The following CNTLN variants were observed in gnomAD, a reference collection of about 807,000 sequenced individuals.
CNTLN encodes centlein, also known as centlein, centrosomal protein.
A neutral mutation model predicts 180.0 loss-of-function variants in CNTLN; 212 were observed. The ratio of observed to expected loss-of-function variants is 1.18; its 90% CI spans 1.05 to 1.32. The LOEUF (loss-of-function observed/expected upper bound fraction) is 1.32. Ranked by LOEUF, CNTLN falls within the 40% of genes most tolerant of loss-of-function variation. The pLI, the probability that CNTLN is intolerant of heterozygous loss-of-function variation, is 0.00. For missense variants in CNTLN, 2,095 were observed against 1,610.9 expected, an observed-to-expected ratio of 1.30 and a Z score of -5.14; for synonymous variants, 722 against 563.1, an observed-to-expected ratio of 1.28 and a Z score of -3.99.
intron 2 of CNTLN, among the ~76,000 whole-genome samples, chr9:17,178,432 G>A (rs1302695059): frequency 6.6e-6 from 1 of 152,216 alleles, no homozygotes; most frequent in African/African-American, 2.4e-5. Context: ...CCCTTGGGCG[G>A]TAGATGGGAC....
At chr9:17,417,880 T>A (rs1268548882) in intron 18 of CNTLN, among the ~76,000 whole-genome samples, 2 of 151,996 alleles carry the variant, frequency 1.3e-5, no homozygotes, top group East Asian at 3.9e-4. Context: ...AGCACAGATT[T>A]CAACTACTTG....
At chr9:17,234,835 TGAA>T (rs1170297786) in intron 3 of CNTLN, among the ~76,000 whole-genome samples, 2 of 152,164 alleles carry the variant, frequency 1.3e-5, no homozygotes, top group South Asian at 2.1e-4. Context: ...TGATAAAAGT[TGAA>T]GAAGTTTAGG....
At chr9:17,223,456 G>A (rs138975734) in intron 2 of CNTLN, among the ~76,000 whole-genome samples, 97 of 151,980 alleles carry the variant, frequency 6.4e-4, no homozygotes, top group Non-Finnish European at 1.3e-3. Flanking sequence ...CCTTGTGTCC[G>A]TCCACCAAAC....
At chr9:17,449,037 T>C (rs1385058355) in intron 18 of CNTLN, among the ~76,000 whole-genome samples, 2 of 152,162 alleles carry the variant, frequency 1.3e-5, no homozygotes, top group East Asian at 1.9e-4. Context: ...TGCAACCTCA[T>C]AGTCATTAGT....
chr9:17,175,068 A>G lies in CNTLN; in HGVS notation c.449+31692A>G, dbSNP rs573709344. On this transcript the variant is annotated intron_variant, in intron 2 of 25. Coordinates refer to ENST00000380647, the MANE Select transcript of CNTLN (RefSeq NM_017738.4). ...TCTTTTGTCAACTATGTGGTTTGCA[A>G]ATATTGTCTCCCAGTCTATAGCTTG... Among the ~76,000 whole-genome samples, 10 of 152,284 alleles carry G rather than the reference A, an allele frequency of 6.6e-5. No individual in the cohort carries two copies. The South Asian group carries it at 1.9e-3, about 28-fold the overall frequency.
chr9:17,195,986 C>A (rs1209649006), intron 2 of CNTLN, among the ~76,000 whole-genome samples: 1 of 152,052 alleles, frequency 6.6e-6, no homozygotes, highest in African/African-American at 2.4e-5. Flanking sequence ...TGGTTAGGAG[C>A]ACAGAATTAA....
chr9:17,461,443 C>T (rs1454405934), intron 19 of CNTLN, among the ~76,000 whole-genome samples: 1 of 151,636 alleles, frequency 6.6e-6, no homozygotes, highest in African/African-American at 2.4e-5. Flanking sequence ...TTGATCAAAA[C>T]ATAACATTCA....
chr9:17,197,370 C>A (rs947587430), intron 2 of CNTLN, among the ~76,000 whole-genome samples: 9 of 152,188 alleles, frequency 5.9e-5, no homozygotes, highest in African/African-American at 2.2e-4. Context: ...TTTTGATTTG[C>A]ATTTCTCTGA....
At chr9:17,239,167 T>C (rs1484902621) in intron 5 of CNTLN, among the ~76,000 whole-genome samples, 1 of 152,114 alleles carries the variant, frequency 6.6e-6, no homozygotes, top group African/African-American at 2.4e-5. Context: ...AAGAGGCAAA[T>C]TACTACAGGC....
intron 23 of CNTLN, among the ~76,000 whole-genome samples, chr9:17,477,291 T>G (rs1056545023): frequency 6.6e-6 from 1 of 152,222 alleles, no homozygotes; most frequent in Admixed American, 6.5e-5. Context: ...TTTTCATGCC[T>G]GCTAATATAG....
Position 17,457,889 on chromosome 9 carries a change from A to G in CNTLN, c.3306+174A>G, listed in dbSNP as rs571159219. ...TTAGCCTGGTAGATTCTTATCTGGTAATCAATACTACCATTCTCTGAAAAA... is the reference window on the plus strand; with the variant it reads ...TTAGCCTGGTAGATTCTTATCTGGTGATCAATACTACCATTCTCTGAAAAA... On this transcript the variant is annotated intron_variant, in intron 19 of 25. Coordinates refer to ENST00000380647, the MANE Select transcript of CNTLN (RefSeq NM_017738.4). 2.0e-5 allele frequency among the ~76,000 whole-genome samples: 3 copies of G among 152,156 alleles called. No homozygotes were observed. In the South Asian group the frequency reaches 6.2e-4, roughly 32 times the overall value.
intron 2 of CNTLN, among the ~76,000 whole-genome samples, chr9:17,216,849 G>A (rs1326981520): frequency 6.6e-6 from 1 of 152,152 alleles, no homozygotes. Context: ...TAGTAGCGTG[G>A]CTGTTTGGAG....
downstream of CNTLN, among the ~76,000 whole-genome samples, chr9:17,504,811 C>A (rs573500682): frequency 6.6e-6 from 1 of 152,218 alleles, no homozygotes; most frequent in Admixed American, 6.5e-5. Context: ...CTTCCTGGAG[C>A]CTTAGGAAAA....
At chr9:17,259,076 T>G (rs1469801723) in intron 5 of CNTLN, among the ~76,000 whole-genome samples, 3 of 145,284 alleles carry the variant, frequency 2.1e-5, no homozygotes, top group Admixed American at 1.4e-4. Context: ...ATGCTTCCAG[T>G]TTTTGCCCAT....
chr9:17,194,978 A>T (rs1034919858), intron 2 of CNTLN, among the ~76,000 whole-genome samples: 1 of 152,158 alleles, frequency 6.6e-6, no homozygotes, highest in Non-Finnish European at 1.5e-5. Flanking sequence ...ATTCACTACC[A>T]TGAGAACAGT....
At chr9:17,298,980 A>T in intron 7 of CNTLN, 1 of 974,094 alleles carries the variant, frequency 1.0e-6, no homozygotes, top group South Asian at 4.8e-5. Context: ...ATGGTGGCTC[A>T]TGCCTGTAAT....
intron 8 of CNTLN, among the ~76,000 whole-genome samples, chr9:17,327,329 C>T (rs972142041): frequency 1.4e-5 from 2 of 146,972 alleles, no homozygotes; most frequent in Non-Finnish European, 3.0e-5. Flanking sequence ...CCTCCTGCCT[C>T]AGCCTCCCGA....
intron 18 of CNTLN, among the ~76,000 whole-genome samples, chr9:17,438,417 A>G (rs1829908105): frequency 6.6e-6 from 1 of 152,218 alleles, no homozygotes; most frequent in Non-Finnish European, 1.5e-5. Context: ...AAGGTAAAGA[A>G]AAAAGAGGTA....
intron 12 of CNTLN, among the ~76,000 whole-genome samples, chr9:17,344,483 A>G (rs1039157080): frequency 1.3e-5 from 2 of 152,150 alleles, no homozygotes; most frequent in Admixed American, 6.6e-5. Flanking sequence ...TTTGTGAAAC[A>G]TTTATTCAGG....
Sources: gnomAD v4.1 joint callset for allele counts (sites outside exome capture counted in the v4.1 genomes callset) on GRCh38, gnomAD v4.1.1 for gene constraint, MANE v1.5 for transcripts, NCBI Gene and HGNC (gene_info 2026-07-23, HGNC 2026-07-21) for gene names.